AP2B1: variants seen among roughly 807,000 people sequenced by gnomAD.
The protein encoded by AP2B1 is adaptor related protein complex 2 subunit beta 1, also known as AP-2 complex subunit beta.
In AP2B1, 23 loss-of-function variants were observed where a neutral mutation model predicts 102.0. The ratio of observed to expected loss-of-function variants is 0.23; its 90% CI spans 0.16 to 0.32. The LOEUF (loss-of-function observed/expected upper bound fraction) is 0.32, where lower values mean the gene tolerates loss of function less well. AP2B1 is among the 10% of genes least tolerant of loss of function. The probability of loss-of-function intolerance (pLI) is 1.00; values close to 1 mark genes in which losing one functional copy is unlikely to be tolerated. For missense variants in AP2B1, 541 were observed against 1,157.4 expected, an observed-to-expected ratio of 0.47 and a Z score of 7.73; for synonymous variants, 381 against 421.2, an observed-to-expected ratio of 0.90 and a Z score of 1.17.
chr17:35,609,885 A>T (rs1316974902), intron 5 of AP2B1, among the ~76,000 whole-genome samples: 3 of 152,220 alleles, frequency 2.0e-5, no homozygotes, highest in Admixed American at 6.5e-5. Context: ...TTTATTTTAC[A>T]GGTAGCCTTG....
At chr17:35,632,365 C>A (rs986291826) in intron 9 of AP2B1, among the ~76,000 whole-genome samples, 1 of 152,130 alleles carries the variant, frequency 6.6e-6, no homozygotes, top group African/African-American at 2.4e-5. Flanking sequence ...GAACTCCTGA[C>A]CTCAGATGAT....
At chr17:35,654,880 C>T (rs554224084) in intron 13 of AP2B1, among the ~76,000 whole-genome samples, 10 of 152,144 alleles carry the variant, frequency 6.6e-5, no homozygotes, top group East Asian at 3.9e-4. Flanking sequence ...GACCTTTGCA[C>T]GGTCAGGATA....
intron 11 of AP2B1, among the ~76,000 whole-genome samples, chr17:35,640,604 G>C (rs888589800): frequency 6.6e-6 from 1 of 152,164 alleles, no homozygotes; most frequent in Non-Finnish European, 1.5e-5. Context: ...ACTTCAGTGA[G>C]CATTATTAAC....
At chr17:35,658,132 T>TA (rs2075274840) in intron 14 of AP2B1, among the ~76,000 whole-genome samples, 1 of 152,190 alleles carries the variant, frequency 6.6e-6, no homozygotes, top group Admixed American at 6.5e-5. Flanking sequence ...ATAGCCCACA[T>TA]AAATTCTCCT....
chr17:35,719,554 T>C (rs2085293573), intron 21 of AP2B1, among the ~76,000 whole-genome samples: 1 of 152,262 alleles, frequency 6.6e-6, no homozygotes, highest in Admixed American at 6.5e-5. Context: ...TTGTTACATG[T>C]ATCCATAGCT....
At chr17:35,687,552 AT>A (rs56332145) in intron 18 of AP2B1, among the ~76,000 whole-genome samples, 19,274 of 149,214 alleles carry the variant, frequency 0.13, 1,273 homozygotes, top group Middle Eastern at 0.16. Context: ...GTTTACATCA[AT>A]TTTTTTTTTT....
chr17:35,634,608 A>G (rs951525087), intron 9 of AP2B1, among the ~76,000 whole-genome samples: 1 of 152,232 alleles, frequency 6.6e-6, no homozygotes, highest in African/African-American at 2.4e-5. Context: ...ACTCCATTTT[A>G]TAGATTAATT....
intron 17 of AP2B1, among the ~76,000 whole-genome samples, chr17:35,675,359 ACTGT>A (rs1231022779): frequency 1.3e-5 from 2 of 152,214 alleles, no homozygotes; most frequent in African/African-American, 4.8e-5. Context: ...TGCATAAGTG[ACTGT>A]CTGATTTATT....
intron 18 of AP2B1, among the ~76,000 whole-genome samples, chr17:35,703,145 G>A (rs1243871141): frequency 4.6e-5 from 7 of 151,528 alleles, no homozygotes; most frequent in Non-Finnish European, 8.8e-5. Context: ...GGTGGCCAGC[G>A]CCTGTAGTCC....
At chr17:35,703,815 A>T (rs1761580490) in intron 18 of AP2B1, among the ~76,000 whole-genome samples, 1 of 152,260 alleles carries the variant, frequency 6.6e-6, no homozygotes, top group South Asian at 2.1e-4. Flanking sequence ...CTGCACATGT[A>T]CCCCTGAACT....
At chr17:35,682,536 G>A (rs2075846739) in intron 17 of AP2B1, among the ~76,000 whole-genome samples, 159 bp from the exon 18 acceptor site, 1 of 151,678 alleles carries the variant, frequency 6.6e-6, no homozygotes, top group African/African-American at 2.4e-5. Context: ...TAGAGACAGG[G>A]TTTCACCATG....
intron 2 of AP2B1, among the ~76,000 whole-genome samples, chr17:35,597,780 T>C (rs2073341620): frequency 6.6e-6 from 1 of 152,230 alleles, no homozygotes; most frequent in Non-Finnish European, 1.5e-5. Flanking sequence ...AGCCCAACTT[T>C]GTCACTGACT....
At chr17:35,690,892 T>G (rs910000843) in intron 18 of AP2B1, among the ~76,000 whole-genome samples, 2 of 152,216 alleles carry the variant, frequency 1.3e-5, no homozygotes, top group Non-Finnish European at 2.9e-5. Context: ...TGATAGCACC[T>G]TAACATTTTT....
At chr17:35,698,743 G>A (rs941550561) in intron 18 of AP2B1, among the ~76,000 whole-genome samples, 2 of 152,138 alleles carry the variant, frequency 1.3e-5, no homozygotes, top group Admixed American at 1.3e-4. Flanking sequence ...GGCAGGGTGG[G>A]GGATTCTCTT....
chr17:35,593,962 T>C, intron 1 of AP2B1, 46 bp from the exon 2 acceptor site: 1 of 1,036,044 alleles, frequency 9.7e-7, no homozygotes, highest in Non-Finnish European at 1.4e-6. Context: ...GATGCCTTGT[T>C]GGATATCTAT....
At chr17:35,706,221 A>G (rs1386640574) in intron 18 of AP2B1, among the ~76,000 whole-genome samples, 1 of 152,156 alleles carries the variant, frequency 6.6e-6, no homozygotes, top group African/African-American at 2.4e-5. Flanking sequence ...CAAAGGGTCT[A>G]CAGTGCAGAA....
intron 21 of AP2B1, among the ~76,000 whole-genome samples, chr17:35,720,798 G>C (rs1233125476): frequency 5.4e-5 from 8 of 149,236 alleles, no homozygotes; most frequent in Admixed American, 4.7e-4. Flanking sequence ...TCTTCATCCT[G>C]TCTGGTGACT....
At chr17:35,623,536 A>G (rs1264118291) in intron 5 of AP2B1, among the ~76,000 whole-genome samples, 1 of 152,172 alleles carries the variant, frequency 6.6e-6, no homozygotes, top group Non-Finnish European at 1.5e-5. Context: ...ACTCAGAAAG[A>G]AGGATACATT....
chr17:35,601,415 T>G (rs1183970596), intron 3 of AP2B1, among the ~76,000 whole-genome samples: 1 of 152,294 alleles, frequency 6.6e-6, no homozygotes, highest in East Asian at 1.9e-4. Flanking sequence ...CTGCAGCCTC[T>G]GCCTCCCGGG....
Sources: allele counts gnomAD v4.1 joint callset (sites outside exome capture counted in the v4.1 genomes callset), GRCh38; gene constraint gnomAD v4.1.1; transcripts MANE v1.5; gene names NCBI Gene and HGNC (gene_info 2026-07-23, HGNC 2026-07-21).